SGIP1: variants seen among roughly 807,000 people sequenced by gnomAD.
SGIP1 encodes SH3GL interacting endocytic adaptor 1.
Under a neutral mutation model 107.5 loss-of-function variants are expected in SGIP1, and 38 were observed. That is an observed-to-expected ratio of 0.35 (90% CI 0.27 to 0.46). The LOEUF is 0.46. Among genes scored for constraint, SGIP1 ranks in the 20% least tolerant of loss-of-function variants. The pLI, the probability that SGIP1 is intolerant of heterozygous loss-of-function variation, is 1.00. For missense variants in SGIP1, 929 were observed against 1,019.5 expected, an observed-to-expected ratio of 0.91 and a Z score of 1.21; for synonymous variants, 365 against 366.1, an observed-to-expected ratio of 1.00 and a Z score of 0.03.
At chr1:66,582,397 T>C (rs2061952595) in intron 1 of SGIP1, among the ~76,000 whole-genome samples, 2 of 152,036 alleles carry the variant, frequency 1.3e-5, no homozygotes, top group Non-Finnish European at 1.5e-5. Context: ...ATACTTTGTA[T>C]GAAAACAGGT....
chr1:66,579,284 T>C (rs1342723604), intron 1 of SGIP1, among the ~76,000 whole-genome samples: 1 of 152,178 alleles, frequency 6.6e-6, no homozygotes, highest in African/African-American at 2.4e-5. Flanking sequence ...AATCTCTCAC[T>C]GTCCCAGACC....
chr1:66,698,236 GT>G (rs1487122947), intron 18 of SGIP1, among the ~76,000 whole-genome samples: 1 of 152,106 alleles, frequency 6.6e-6, no homozygotes, highest in African/African-American at 2.4e-5. Context: ...ATAGAAAAGT[GT>G]TAGTGGTTCT....
At chr1:66,727,362 A>T (rs2093803093) in intron 19 of SGIP1, among the ~76,000 whole-genome samples, 1 of 152,186 alleles carries the variant, frequency 6.6e-6, no homozygotes, top group Non-Finnish European at 1.5e-5. Flanking sequence ...ACCACTACTC[A>T]CCTATGAGAA....
Position 66,682,264 on chromosome 1 carries a change from G to T in SGIP1, c.1210G>T (p.Gly404Trp), listed in dbSNP as rs139242055. Residue 404 changes from glycine (G) to tryptophan (W), a missense_variant, in exon 15 of 25, where the codon GGG becomes TGG. Physicochemically the swap from Gly to Trp is radical, Grantham distance 184. This residue lies in a region of SGIP1 where 588 missense variants were observed against 588.6 expected (regional missense o/e 1.00). Transcript: ENST00000371037. ...AACAATCTCATCTCCTAAAGATTTT[G>T]GGTTGGGACAAAGAGCAACTCCACC... Reference protein sequence around the residue: ...LETISSPKDFGLGQRATPPPP... With the variant: ...LETISSPKDFWLGQRATPPPP... 9.3e-6 allele frequency: 15 copies of T among 1,614,210 alleles called. No individual in the cohort carries two copies. The highest frequency in any genetic ancestry group is 1.3e-5 in the Non-Finnish European group (15 of 1,180,040).
At chr1:66,732,129 T>C (rs2094041185) in intron 20 of SGIP1, among the ~76,000 whole-genome samples, 1 of 152,222 alleles carries the variant, frequency 6.6e-6, no homozygotes, top group South Asian at 2.1e-4. Flanking sequence ...ATTATATAAT[T>C]GAGGGTTTCC....
chr1:66,728,432 A>G (rs2093857731), intron 19 of SGIP1, among the ~76,000 whole-genome samples: 1 of 152,186 alleles, frequency 6.6e-6, no homozygotes, highest in African/African-American at 2.4e-5. Flanking sequence ...ACATAAAACA[A>G]AATAGTCACT....
At chr1:66,574,842 A>C (rs371725127) in intron 1 of SGIP1, among the ~76,000 whole-genome samples, 36 of 152,258 alleles carry the variant, frequency 2.4e-4, no homozygotes, top group African/African-American at 8.7e-4. Flanking sequence ...AGTTGATGTC[A>C]GATTGCCAGC....
chr1:66,694,459 T>C, intron 17 of SGIP1: 3 of 1,608,492 alleles, frequency 1.9e-6, no homozygotes, highest in South Asian at 1.1e-5. Context: ...CGATGTTTTT[T>C]ATGACAAACT....
At chr1:66,675,294 C>T (rs572235760) in intron 12 of SGIP1, among the ~76,000 whole-genome samples, 4 of 152,170 alleles carry the variant, frequency 2.6e-5, no homozygotes, top group South Asian at 2.1e-4. Flanking sequence ...TAAAACAGAG[C>T]GAAGTCCACC....
intron 7 of SGIP1, among the ~76,000 whole-genome samples, chr1:66,648,995 A>G (rs1411623167): frequency 6.6e-6 from 1 of 152,156 alleles, no homozygotes; most frequent in African/African-American, 2.4e-5. Context: ...GGTACTCTGC[A>G]ATTGTTCATT....
Position 66,677,098 on chromosome 1 carries a change from T to G in SGIP1, c.739+2T>G. On this transcript the variant is annotated splice_donor_variant, in intron 13 of 24. Transcript: ENST00000371037. LOFTEE classifies it high-confidence loss of function. ...TAACAAGGCCTTTTCCCACTGGAAG[T>G]AAGTTATGTGTCTGCTCTGTCTGGA... 1 of 1,611,784 alleles carries G rather than the reference T, an allele frequency of 6.2e-7. No homozygotes were observed. Among genetic ancestry groups the G allele is most frequent in the Non-Finnish European group, 8.5e-7 (1 of 1,178,104 alleles).
intron 22 of SGIP1, 79 bp downstream of exon 22, chr1:66,739,616 T>C (rs2094382538): frequency 2.1e-6 from 3 of 1,437,908 alleles, no homozygotes; most frequent in Non-Finnish European, 2.9e-6. Flanking sequence ...TTGCGTGTCC[T>C]GTAGGAGGAG....
chr1:66,592,935 G>A (rs1365186927), intron 1 of SGIP1, among the ~76,000 whole-genome samples: 3 of 95,722 alleles, frequency 3.1e-5, no homozygotes, highest in Non-Finnish European at 5.7e-5. Flanking sequence ...TTTGAGAAAG[G>A]GTTTCACCAC....
chr1:66,743,612 C>G lies in SGIP1; in HGVS notation c.*517C>G, dbSNP rs1471822068. ...TTTCTTCAATGCTTAGTATGTTTTA[C>G]TCTAGTGCTAAATAAAAACTCTATC... On this transcript the variant is annotated 3_prime_UTR_variant, in exon 25 of 25. Transcript: ENST00000371037. The G allele has an allele frequency of 1.3e-5, 2 of 152,488 alleles. No homozygotes were observed. Among genetic ancestry groups the G allele is most frequent in the Non-Finnish European group, 2.9e-5 (2 of 68,070 alleles). 9.4% of individuals were successfully genotyped at this position (152,488 alleles called of 1,614,324 possible). A position where few individuals can be genotyped will look rare whatever the true frequency, so the allele number is the denominator to read the frequency against.
At chr1:66,557,353 T>C (rs748045501) in intron 1 of SGIP1, among the ~76,000 whole-genome samples, 4 of 152,166 alleles carry the variant, frequency 2.6e-5, no homozygotes, top group Non-Finnish European at 4.4e-5. Flanking sequence ...AAATGCAGCC[T>C]GAATCAGAAT....
intron 19 of SGIP1, among the ~76,000 whole-genome samples, chr1:66,727,463 G>A (rs551833886): frequency 6.6e-6 from 1 of 152,126 alleles, no homozygotes; most frequent in East Asian, 1.9e-4. Flanking sequence ...TTCCACTTTA[G>A]AAAACAGTTA....
intron 1 of SGIP1, among the ~76,000 whole-genome samples, chr1:66,624,960 G>T (rs1293229099): frequency 1.3e-5 from 2 of 152,132 alleles, no homozygotes; most frequent in Non-Finnish European, 2.9e-5. Flanking sequence ...AGCCAGTGCT[G>T]CTTGAATGGT....
At chr1:66,647,323 T>C (rs970888393) in intron 7 of SGIP1, among the ~76,000 whole-genome samples, 2 of 152,064 alleles carry the variant, frequency 1.3e-5, no homozygotes, top group African/African-American at 2.4e-5. Flanking sequence ...TCTTTAAGAG[T>C]TTAACTCAGA....
chr1:66,639,087 A>G (rs931592119), intron 4 of SGIP1, among the ~76,000 whole-genome samples: 4 of 152,216 alleles, frequency 2.6e-5, no homozygotes, highest in Non-Finnish European at 5.9e-5. Context: ...CTTTAAGAAG[A>G]GAGTAGTGCT....
Sources: gnomAD v4.1 joint callset for allele counts (sites outside exome capture counted in the v4.1 genomes callset) on GRCh38, gnomAD v4.1.1 for gene constraint, gnomAD v4.1.1 regional missense constraint, MANE v1.5 for transcripts, NCBI Gene and HGNC (gene_info 2026-07-23, HGNC 2026-07-21) for gene names.